The following PDE10A variants were observed in gnomAD, a reference collection of about 807,000 sequenced individuals.
The protein encoded by PDE10A is cAMP and cAMP-inhibited cGMP 3',5'-cyclic phosphodiesterase 10A.
Under a neutral mutation model 97.7 loss-of-function variants are expected in PDE10A, and 39 were observed. The ratio of observed to expected loss-of-function variants is 0.40; its 90% CI spans 0.31 to 0.52. The LOEUF (loss-of-function observed/expected upper bound fraction) is 0.52. Among genes scored for constraint, PDE10A ranks in the 20% least tolerant of loss-of-function variants. PDE10A has a pLI of 0.56. For synonymous variants in PDE10A, 371 were observed against 376.8 expected, an observed-to-expected ratio of 0.98 and a Z score of 0.18; for missense variants, 731 against 1,047.8, an observed-to-expected ratio of 0.70 and a Z score of 4.17.
chr6:165,339,367 A>G lies in PDE10A; in HGVS notation c.2896-9T>C. 6.7e-7 allele frequency: 1 copy of G among 1,499,662 alleles called. No individual in the cohort carries two copies. The highest frequency in any genetic ancestry group is 1.1e-5 in the South Asian group (1 of 88,714). The allele number at this position is 1,499,662 out of a possible 1,614,324, so 92.9% of individuals were successfully genotyped here. A position where few individuals can be genotyped will look rare whatever the true frequency, so the allele number is the denominator to read the frequency against. On this transcript the variant is annotated splice_polypyrimidine_tract_variant and intron_variant, in intron 19 of 21. Coordinates refer to ENST00000539869, the MANE Select transcript of PDE10A (RefSeq NM_001385079.1). ...TTCTTCATTTCATCACCCTAAGATG[A>G]ATGGGGAGAAAATCATGCTTTCTCA...
At chr6:165,550,869 G>C (rs1175503715) in intron 1 of PDE10A, among the ~76,000 whole-genome samples, 1 of 152,172 alleles carries the variant, frequency 6.6e-6, no homozygotes, top group Non-Finnish European at 1.5e-5. Flanking sequence ...TTCACAGCGT[G>C]AGATGGTTTC....
Position 165,655,416 on chromosome 6 carries a change from G to A in PDE10A, c.865+6531C>T, listed in dbSNP as rs1248227832. On this transcript the variant is annotated intron_variant, in intron 1 of 21. Coordinates refer to ENST00000539869, the MANE Select transcript of PDE10A (RefSeq NM_001385079.1). The surrounding 1 kb of genome is among the most constrained non-coding windows in gnomAD (Gnocchi z 4.5). ...CCAGGCTTCCCATCCCAATCCCAGTGAACAGCCCCACCATTTACCCAATCT... is the reference window on the plus strand; with the variant it reads ...CCAGGCTTCCCATCCCAATCCCAGTAAACAGCCCCACCATTTACCCAATCT... Among the ~76,000 whole-genome samples the A allele has an allele frequency of 1.3e-5, 2 of 152,052 alleles. No individual in the cohort carries two copies. The highest frequency in any genetic ancestry group is 4.8e-5 in the African/African-American group (2 of 41,394).
chr6:165,714,291 C>A (rs990281242), intron 1 of PDE10A, among the ~76,000 whole-genome samples: 1 of 152,194 alleles, frequency 6.6e-6, no homozygotes, highest in Non-Finnish European at 1.5e-5. Context: ...GGTGGCGTGC[C>A]GTAGCCACTC....
At chr6:165,501,859 TA>T (rs1460035615) in intron 2 of PDE10A, among the ~76,000 whole-genome samples, 3 of 152,124 alleles carry the variant, frequency 2.0e-5, no homozygotes, top group Non-Finnish European at 4.4e-5. Flanking sequence ...TTTTTGAAAA[TA>T]AATAAGTTGT....
intron 1 of PDE10A, among the ~76,000 whole-genome samples, chr6:165,862,761 C>T (rs979354326): frequency 7.3e-5 from 11 of 151,570 alleles, no homozygotes; most frequent in African/African-American, 2.7e-4. Context: ...TCGCTGCAAC[C>T]TCCTCCTCCC....
intron 1 of PDE10A, among the ~76,000 whole-genome samples, chr6:165,979,989 C>T (rs1047056880): frequency 1.3e-5 from 2 of 152,180 alleles, no homozygotes; most frequent in South Asian, 2.1e-4. Flanking sequence ...CACAAACCTG[C>T]GCCTATGTAT....
chr6:165,907,485 C>T (rs576088149), intron 1 of PDE10A, among the ~76,000 whole-genome samples: 2 of 152,334 alleles, frequency 1.3e-5, no homozygotes, highest in South Asian at 4.1e-4. Flanking sequence ...CAGTGGGAGC[C>T]GCACTCTCTC....
chr6:165,814,427 A>G (rs1368021918), intron 1 of PDE10A, among the ~76,000 whole-genome samples: 1 of 133,218 alleles, frequency 7.5e-6, no homozygotes, highest in Non-Finnish European at 1.6e-5. Context: ...CGATTCATAC[A>G]TTTTTGGAAA....
intron 1 of PDE10A, among the ~76,000 whole-genome samples, chr6:165,882,521 C>T (rs1781510879): frequency 6.6e-6 from 1 of 152,110 alleles, no homozygotes; most frequent in Non-Finnish European, 1.5e-5. Flanking sequence ...GATAACAAGA[C>T]CTTCTGCTAA....
At chr6:165,726,747 C>T (rs1007454618) in intron 1 of PDE10A, among the ~76,000 whole-genome samples, 1 of 152,208 alleles carries the variant, frequency 6.6e-6, no homozygotes, top group Non-Finnish European at 1.5e-5. Flanking sequence ...CTGCGGGCAC[C>T]GGGAAGACAG....
chr6:165,384,631 A>AGT (rs57175607), intron 17 of PDE10A, among the ~76,000 whole-genome samples: 14,965 of 66,882 alleles, frequency 0.22, 1,028 homozygotes, highest in Middle Eastern at 0.38. Context: ...TGTGTGAGTG[A>AGT]GTGTGTGTGT....
At chr6:165,697,783 T>C (rs906662071) in intron 1 of PDE10A, among the ~76,000 whole-genome samples, 1 of 152,190 alleles carries the variant, frequency 6.6e-6, no homozygotes, top group African/African-American at 2.4e-5. Context: ...AGATGGATGA[T>C]GGTGATGGTT....
intron 1 of PDE10A, among the ~76,000 whole-genome samples, chr6:165,619,851 C>T (rs1174283393): frequency 2.0e-5 from 3 of 151,950 alleles, no homozygotes; most frequent in South Asian, 2.1e-4. Context: ...CATAGAGCAC[C>T]GGGGACAAGC....
intron 1 of PDE10A, among the ~76,000 whole-genome samples, chr6:165,635,210 T>C (rs1006217656): frequency 6.6e-6 from 1 of 152,204 alleles, no homozygotes; most frequent in African/African-American, 2.4e-5. Context: ...GGAATCACTC[T>C]AATTGAGAGA....
At chr6:165,526,065 C>T (rs1328816303) in intron 2 of PDE10A, among the ~76,000 whole-genome samples, 2 of 152,204 alleles carry the variant, frequency 1.3e-5, no homozygotes, top group Admixed American at 6.5e-5. Context: ...AAGGACCCCA[C>T]TATATTACCA....
At chr6:165,484,231 T>C (rs1035017078) in intron 2 of PDE10A, among the ~76,000 whole-genome samples, 1 of 152,218 alleles carries the variant, frequency 6.6e-6, no homozygotes, top group Non-Finnish European at 1.5e-5. Flanking sequence ...AATTTAAGCA[T>C]GTTGAAGACA....
chr6:165,507,138 T>C (rs1014003855), intron 2 of PDE10A, among the ~76,000 whole-genome samples: 1 of 152,036 alleles, frequency 6.6e-6, no homozygotes, highest in Admixed American at 6.6e-5. Context: ...CATGCTGGAG[T>C]TGAAATTTTG....
At chr6:165,369,555 C>T (rs1158532461) in intron 18 of PDE10A, among the ~76,000 whole-genome samples, 1 of 145,770 alleles carries the variant, frequency 6.9e-6, no homozygotes, top group African/African-American at 2.6e-5. Flanking sequence ...ATGAGCAAAG[C>T]CTCCAAGAAA....
Position 165,877,767 on chromosome 6 carries a change from G to A in PDE10A, c.-615+109762C>T, listed in dbSNP as rs1333521934. ...AAAATTAAATATAATAATAACTAAC[G>A]TTCTCGAAGAGCTTGCTATTGTCCA... On this transcript the variant is annotated intron_variant, in intron 1 of 19. Coordinates refer to the PDE10A transcript ENST00000366882. Among the ~76,000 whole-genome samples, 5 of 151,934 alleles carry A rather than the reference G, an allele frequency of 3.3e-5. No homozygotes were observed. In the East Asian group the frequency reaches 5.8e-4, roughly 18 times the overall value.
Sources: gnomAD v4.1 joint callset for allele counts (sites outside exome capture counted in the v4.1 genomes callset) on GRCh38, gnomAD v4.1.1 for gene constraint, Gnocchi (gnomAD v3.1) non-coding constraint, MANE v1.5 for transcripts, NCBI Gene and HGNC (gene_info 2026-07-23, HGNC 2026-07-21) for gene names.